SLIT3: variants seen among roughly 807,000 people sequenced by gnomAD.
SLIT3 encodes slit guidance ligand 3.
A neutral mutation model predicts 184.0 loss-of-function variants in SLIT3; 68 were observed. That is an observed-to-expected ratio of 0.37 (90% CI 0.30 to 0.45). SLIT3 has a LOEUF of 0.45. SLIT3 is among the 20% of genes least tolerant of loss of function. The pLI is 1.00. For synonymous variants in SLIT3, 831 were observed against 828.6 expected (o/e 1.00, Z -0.05); for missense variants, 1,707 against 2,026.0 (o/e 0.84, Z 3.02).
At chr5:168,716,099 C>G (rs1002086209) in intron 23 of SLIT3, among the ~76,000 whole-genome samples, 2 of 152,254 alleles carry the variant, frequency 1.3e-5, no homozygotes, top group African/African-American at 4.8e-5. Context: ...TCCTGAGTAG[C>G]TGGGACTGTA....
intron 4 of SLIT3, among the ~76,000 whole-genome samples, chr5:168,950,262 C>T (rs1483652361): frequency 2.6e-5 from 4 of 152,136 alleles, no homozygotes; most frequent in African/African-American, 9.7e-5. Context: ...CCAGGAAACA[C>T]CCTCAACAGA....
chr5:169,251,326 AT>A, intron 2 of SLIT3, 61 bp downstream of exon 2: 13 of 1,205,444 alleles, frequency 1.1e-5, no homozygotes, highest in Non-Finnish European at 1.5e-5. Flanking sequence ...GCAGTGGAAC[AT>A]TTTTTTGTGA....
At chr5:169,117,709 T>C (rs770028458) in intron 4 of SLIT3, among the ~76,000 whole-genome samples, 5 of 152,230 alleles carry the variant, frequency 3.3e-5, no homozygotes, top group East Asian at 1.9e-4. Context: ...TCTTTGGAGA[T>C]ATCTAACAAA....
intron 1 of SLIT3, among the ~76,000 whole-genome samples, chr5:169,288,353 G>T (rs531750354): frequency 1.6e-5 from 1 of 61,602 alleles, no homozygotes; most frequent in East Asian, 9.8e-4. Flanking sequence ...TTTCCCCCTT[G>T]AGTTTTTTTT....
At chr5:168,836,231 T>C (rs541032119) in intron 6 of SLIT3, among the ~76,000 whole-genome samples, 3 of 152,310 alleles carry the variant, frequency 2.0e-5, no homozygotes, top group East Asian at 1.9e-4. Flanking sequence ...GCAGCAGCTG[T>C]GGCAGGCAGG....
At position 169,017,307 on chromosome 5, in the gene SLIT3, C is replaced by T. The variant is rs987023736; in HGVS notation, c.414-133971G>A. On this transcript the variant is annotated intron_variant, in intron 4 of 35. Coordinates refer to ENST00000519560, the MANE Select transcript of SLIT3 (RefSeq NM_003062.4). ...GATAGTTGACTTCCCCACCTATCCC[C>T]ACTCTGGACTCTCCTGGGACATCCC... 6.6e-5 allele frequency among the ~76,000 whole-genome samples: 10 copies of T among 152,196 alleles called. 1 individual carries two copies. Among genetic ancestry groups the T allele is most frequent in the Admixed American group, 6.5e-4 (10 of 15,280 alleles).
At chr5:169,083,984 G>A (rs1263563530) in intron 4 of SLIT3, among the ~76,000 whole-genome samples, 1 of 152,192 alleles carries the variant, frequency 6.6e-6, no homozygotes, top group African/African-American at 2.4e-5. Flanking sequence ...CCCTTCGCTT[G>A]GAGGGCAGTC....
rs1473709070 is a variant in SLIT3 at position 168,684,174 on chromosome 5, T to C, written c.3556-78A>G. On this transcript the variant is annotated intron_variant, in intron 31 of 35. Coordinates refer to ENST00000519560, the MANE Select transcript of SLIT3 (RefSeq NM_003062.4). ...TCCCTGCCCATCTCACAGAGCCCTC[T>C]TCCAGGCAGCAGCTTCTGAATCTGT... 3 of 1,376,120 alleles carry C rather than the reference T, an allele frequency of 2.2e-6. No homozygotes were observed. The Admixed American group carries it at 7.8e-5, about 36-fold the overall frequency. 85.2% of individuals were successfully genotyped at this position (1,376,120 alleles called of 1,614,324 possible).
intron 4 of SLIT3, among the ~76,000 whole-genome samples, chr5:169,119,264 A>T (rs1263642836): frequency 6.6e-6 from 1 of 152,208 alleles, no homozygotes; most frequent in Non-Finnish European, 1.5e-5. Flanking sequence ...TAAATCACCC[A>T]AAGGAACAAT....
intron 9 of SLIT3, among the ~76,000 whole-genome samples, chr5:168,801,505 C>T (rs945905079): frequency 8.5e-5 from 13 of 152,176 alleles, no homozygotes; most frequent in Non-Finnish European, 1.9e-4. Flanking sequence ...CATAGCCCTT[C>T]TTCATGGAAG....
intron 4 of SLIT3, among the ~76,000 whole-genome samples, chr5:168,897,844 C>G (rs1435470819): frequency 6.6e-6 from 1 of 152,162 alleles, no homozygotes; most frequent in Non-Finnish European, 1.5e-5. Flanking sequence ...TCCCTGGACC[C>G]TGCACCGAGC....
rs139318324 is a variant in SLIT3 at position 168,752,814 on chromosome 5, G to A, written c.1973+141C>T. On this transcript the variant is annotated intron_variant, in intron 18 of 35. Coordinates refer to ENST00000519560, the MANE Select transcript of SLIT3 (RefSeq NM_003062.4). ...CTCAACACCTAGACGATGCCTGCCT[G>A]GCACATACAGAAAGCCTGACGAGTT... The A allele has an allele frequency of 1.5e-4, 118 of 774,956 alleles. No homozygotes were observed. In the East Asian group the frequency reaches 2.9e-3, roughly 19 times the overall value. The allele number at this position is 774,956 out of a possible 1,614,324, so 48.0% of individuals were successfully genotyped here.
At chr5:169,081,602 C>T (rs1175071971) in intron 4 of SLIT3, among the ~76,000 whole-genome samples, 1 of 152,082 alleles carries the variant, frequency 6.6e-6, no homozygotes, top group Non-Finnish European at 1.5e-5. Flanking sequence ...TGCTAGGCTG[C>T]AGGGCTTGCT....
chr5:169,262,917 T>C (rs570875399), intron 1 of SLIT3, among the ~76,000 whole-genome samples: 8 of 152,148 alleles, frequency 5.3e-5, no homozygotes, highest in East Asian at 1.9e-4. Context: ...TCAAAAGATA[T>C]ATTGAAGTCC....
intron 4 of SLIT3, among the ~76,000 whole-genome samples, chr5:168,921,288 C>T (rs10063841): frequency 0.025 from 3,868 of 152,278 alleles, 172 homozygotes; most frequent in African/African-American, 0.089. Flanking sequence ...ACTTCTCTCA[C>T]GCTTCCACTC....
chr5:168,913,656 G>A lies in SLIT3; in HGVS notation c.414-30320C>T, dbSNP rs556414512. 2.7e-4 allele frequency among the ~76,000 whole-genome samples: 40 copies of A among 150,384 alleles called. 1 individual carries two copies. In the East Asian group the frequency reaches 7.4e-3, roughly 28 times the overall value. ...ACTCGGGAGGCTGAGGCAGGAGATC[G>A]CTTGAACCTGGGAGGCAGAGGTTGC... On this transcript the variant is annotated intron_variant, in intron 4 of 35. Coordinates refer to ENST00000519560, the MANE Select transcript of SLIT3 (RefSeq NM_003062.4).
At chr5:168,741,005 G>A (rs572634198) in intron 20 of SLIT3, among the ~76,000 whole-genome samples, 55 of 152,290 alleles carry the variant, frequency 3.6e-4, no homozygotes, top group African/African-American at 7.0e-4. Context: ...CTCACTGCAC[G>A]TGGGGGCATT....
chr5:169,145,309 C>T (rs1761891471), intron 4 of SLIT3, among the ~76,000 whole-genome samples: 1 of 152,078 alleles, frequency 6.6e-6, no homozygotes, highest in Non-Finnish European at 1.5e-5. Context: ...TGCTCGATGC[C>T]CACTAGGTCT....
intron 3 of SLIT3, among the ~76,000 whole-genome samples, chr5:169,227,109 A>C (rs6893511): frequency 0.54 from 82,254 of 151,984 alleles, 22,620 homozygotes; most frequent in East Asian, 0.63. Flanking sequence ...GGGGTGGAAG[A>C]CACAGAGGAG....
Sources: gnomAD v4.1 joint callset for allele counts (sites outside exome capture counted in the v4.1 genomes callset) on GRCh38, gnomAD v4.1.1 for gene constraint, MANE v1.5 for transcripts, NCBI Gene and HGNC (gene_info 2026-07-23, HGNC 2026-07-21) for gene names.